The following TAFA5 variants were observed in gnomAD, a reference collection of about 807,000 sequenced individuals.
The protein encoded by TAFA5 is TAFA chemokine like family member 5.
TAFA5 carries 6 observed loss-of-function variants against 15.3 expected under a neutral mutation model. The ratio of observed to expected loss-of-function variants is 0.39; its 90% CI spans 0.21 to 0.77. The LOEUF (loss-of-function observed/expected upper bound fraction) is 0.77, where lower values mean the gene tolerates loss of function less well. TAFA5 is among the 30% of genes least tolerant of loss of function. TAFA5 has a pLI of 0.41. For synonymous variants in TAFA5, 103 were observed against 80.7 expected (o/e 1.28, Z -1.48); for missense variants, 161 against 193.1 (o/e 0.83, Z 0.98).
intron 1 of TAFA5, among the ~76,000 whole-genome samples, chr22:48,567,196 T>C (rs1389631344): frequency 6.6e-6 from 1 of 152,136 alleles, no homozygotes; most frequent in African/African-American, 2.4e-5. Context: ...CACACAAAAA[T>C]GTGTTTGCTT....
At chr22:48,725,630 T>A (rs915102635) in intron 3 of TAFA5, among the ~76,000 whole-genome samples, 5 of 151,818 alleles carry the variant, frequency 3.3e-5, no homozygotes, top group African/African-American at 1.2e-4. Flanking sequence ...TAGAGTTTAG[T>A]TGTGTATTGG....
At chr22:48,694,731 T>C (rs1040278892) in intron 2 of TAFA5, among the ~76,000 whole-genome samples, 1 of 151,690 alleles carries the variant, frequency 6.6e-6, no homozygotes, top group African/African-American at 2.4e-5. Context: ...AGGCTGCCTG[T>C]GAGCAGCTCC....
chr22:48,511,397 G>A (rs1921205345), intron 1 of TAFA5, among the ~76,000 whole-genome samples: 1 of 152,170 alleles, frequency 6.6e-6, no homozygotes, highest in Non-Finnish European at 1.5e-5. Context: ...TGTCTCCTGG[G>A]GCTGTGCGTC....
chr22:48,606,286 T>G (rs1199186215), intron 1 of TAFA5, among the ~76,000 whole-genome samples: 1 of 152,198 alleles, frequency 6.6e-6, no homozygotes, highest in Non-Finnish European at 1.5e-5. Context: ...AGAATCGCAG[T>G]GGCGAACCGT....
intron 1 of TAFA5, among the ~76,000 whole-genome samples, chr22:48,526,890 C>A (rs1921799411): frequency 6.6e-6 from 1 of 152,206 alleles, no homozygotes; most frequent in East Asian, 1.9e-4. Flanking sequence ...AAAGAATTAA[C>A]AATGACATCA....
chr22:48,525,840 G>A (rs965728455), intron 1 of TAFA5, among the ~76,000 whole-genome samples: 2 of 152,152 alleles, frequency 1.3e-5, no homozygotes, highest in African/African-American at 4.8e-5. Flanking sequence ...GAGGCATCCT[G>A]AGGTCGCCCC....
intron 2 of TAFA5, among the ~76,000 whole-genome samples, chr22:48,664,143 G>A (rs534412466): frequency 3.1e-4 from 47 of 152,346 alleles, no homozygotes; most frequent in Non-Finnish European, 5.3e-4. Context: ...CGTTCAGTTT[G>A]TGGATGGAAT....
At chr22:48,495,070 T>C in intron 1 of TAFA5, among the ~76,000 whole-genome samples, 1 of 152,164 alleles carries the variant, frequency 6.6e-6, no homozygotes, top group East Asian at 1.9e-4. Flanking sequence ...CCCAGTGGGA[T>C]GGCAGCCCCG....
chr22:48,658,498 C>T (rs981958005), intron 2 of TAFA5, among the ~76,000 whole-genome samples: 81 of 152,216 alleles, frequency 5.3e-4, no homozygotes, highest in African/African-American at 1.9e-3. Context: ...GCGTGAGTGA[C>T]GGAGCACCGT....
At chr22:48,491,136 C>A (rs986509637) in intron 1 of TAFA5, among the ~76,000 whole-genome samples, 1 of 152,226 alleles carries the variant, frequency 6.6e-6, no homozygotes, top group South Asian at 2.1e-4. Flanking sequence ...TGCGCCGGCG[C>A]CCCTGGGAAC....
intron 1 of TAFA5, among the ~76,000 whole-genome samples, chr22:48,561,072 G>A (rs533667227): frequency 6.6e-6 from 1 of 152,238 alleles, no homozygotes; most frequent in African/African-American, 2.4e-5. Context: ...GCTGGGAGGT[G>A]GGTGGGGACT....
At chr22:48,738,774 G>C (rs567802405) in intron 3 of TAFA5, among the ~76,000 whole-genome samples, 1 of 152,238 alleles carries the variant, frequency 6.6e-6, no homozygotes, top group African/African-American at 2.4e-5. Flanking sequence ...CAGGAGCTCC[G>C]TGTTTTTTGC....
chr22:48,666,120 G>C (rs1419922115), intron 2 of TAFA5, among the ~76,000 whole-genome samples: 1 of 152,182 alleles, frequency 6.6e-6, no homozygotes, highest in Non-Finnish European at 1.5e-5. Context: ...CAGCATTGCA[G>C]AGGCCACTGT....
intron 2 of TAFA5, among the ~76,000 whole-genome samples, chr22:48,649,916 A>T (rs4450733): frequency 1.3e-5 from 2 of 151,722 alleles, no homozygotes; most frequent in Non-Finnish European, 2.9e-5. Flanking sequence ...AACCACATTC[A>T]CTTTCCTCTC....
chr22:48,700,144 G>A (rs1296025025), intron 2 of TAFA5, among the ~76,000 whole-genome samples: 2 of 152,186 alleles, frequency 1.3e-5, no homozygotes, highest in East Asian at 3.9e-4. Flanking sequence ...GCTGGATTTG[G>A]TCACAGGGCT....
chr22:48,526,861 T>G (rs1921798533), intron 1 of TAFA5, among the ~76,000 whole-genome samples: 1 of 152,248 alleles, frequency 6.6e-6, no homozygotes, highest in South Asian at 2.1e-4. Context: ...TTTGCTTTGT[T>G]TCTTGAATGT....
At chr22:48,647,969 G>A (rs1045143314) in intron 2 of TAFA5, among the ~76,000 whole-genome samples, 2 of 152,184 alleles carry the variant, frequency 1.3e-5, no homozygotes, top group Admixed American at 6.5e-5. Context: ...GCTGCGGCCC[G>A]GTAGGGGCAG....
chr22:48,643,132 C>T (rs1926742669), intron 1 of TAFA5, among the ~76,000 whole-genome samples: 1 of 152,196 alleles, frequency 6.6e-6, no homozygotes, highest in Non-Finnish European at 1.5e-5. Context: ...GGGGTCGCGA[C>T]AGCCCAGAAA....
rs140053561 is a variant in TAFA5 at position 48,675,161 on chromosome 22, C to A, written c.262+28415C>A. On this transcript the variant is annotated intron_variant, in intron 2 of 3. Transcript: ENST00000402357. ...TTCACCCTGTTGGCCAGGCTGGTCT[C>A]GAACTCCTGACGTCAGGTGATCCAC... Among the ~76,000 whole-genome samples, 1,061 of 152,284 alleles carry A rather than the reference C, an allele frequency of 7.0e-3. 14 individuals are homozygous for A. The highest frequency in any genetic ancestry group is 0.024 in the African/African-American group (1,013 of 41,562).
Sources: allele counts gnomAD v4.1 joint callset (sites outside exome capture counted in the v4.1 genomes callset), GRCh38; gene constraint gnomAD v4.1.1; transcripts MANE v1.5; gene names NCBI Gene and HGNC (gene_info 2026-07-23, HGNC 2026-07-21).